MAML2: variants seen among roughly 807,000 people sequenced by gnomAD.
The protein encoded by MAML2 is mastermind-like protein 2.
MAML2 carries 22 observed loss-of-function variants against 96.1 expected under a neutral mutation model. The observed-to-expected ratio is 0.23, with a 90% CI of 0.16 to 0.33. The LOEUF (loss-of-function observed/expected upper bound fraction) is 0.33. Among genes scored for constraint, MAML2 ranks in the 10% least tolerant of loss-of-function variants. MAML2 has a pLI of 1.00. For synonymous variants in MAML2, 561 were observed against 521.3 expected, an observed-to-expected ratio of 1.08 and a Z score of -1.04; for missense variants, 1,367 against 1,392.4, an observed-to-expected ratio of 0.98 and a Z score of 0.29.
At chr11:96,293,249 G>A (rs762571480) in intron 1 of MAML2, among the ~76,000 whole-genome samples, 6 of 152,168 alleles carry the variant, frequency 3.9e-5, no homozygotes, top group Non-Finnish European at 8.8e-5. Flanking sequence ...CAAGTTCACT[G>A]AGAATGTTAG....
chr11:96,027,663 G>A (rs969286787), intron 2 of MAML2, among the ~76,000 whole-genome samples: 2 of 152,178 alleles, frequency 1.3e-5, no homozygotes, highest in Admixed American at 1.3e-4. Flanking sequence ...AGGAGGGCTG[G>A]GAGCGAGAGG....
At chr11:96,335,518 T>C (rs547352499) in intron 1 of MAML2, among the ~76,000 whole-genome samples, 1 of 152,300 alleles carries the variant, frequency 6.6e-6, no homozygotes, top group East Asian at 1.9e-4. Flanking sequence ...AAAGGGCATG[T>C]CATGCAGTAT....
chr11:96,184,384 G>A (rs912062007), intron 1 of MAML2, among the ~76,000 whole-genome samples: 1 of 151,880 alleles, frequency 6.6e-6, no homozygotes, highest in Non-Finnish European at 1.5e-5. Context: ...AAGTTTCAGT[G>A]AGCCGAGATC....
At chr11:96,102,856 G>T (rs1454819674) in intron 1 of MAML2, among the ~76,000 whole-genome samples, 1 of 152,212 alleles carries the variant, frequency 6.6e-6, no homozygotes, top group Non-Finnish European at 1.5e-5. Flanking sequence ...GCTGCTTTGT[G>T]CATGAAATAC....
At chr11:96,215,745 C>T (rs780640684) in intron 1 of MAML2, among the ~76,000 whole-genome samples, 2 of 152,052 alleles carry the variant, frequency 1.3e-5, no homozygotes, top group Non-Finnish European at 2.9e-5. Context: ...CCACCCCCCT[C>T]GGGTGCTGGC....
chr11:96,299,055 AAAAAAATAT>A (rs1863345242), intron 1 of MAML2, among the ~76,000 whole-genome samples: 2 of 94,730 alleles, frequency 2.1e-5, no homozygotes, highest in Admixed American at 1.1e-4. Flanking sequence ...AAAAAAAAAA[AAAAAAATAT>A]ATATATATAT....
chr11:95,978,037 T>A lies in MAML2; in HGVS notation c.*911A>T, dbSNP rs540339418. On this transcript the variant is annotated 3_prime_UTR_variant, in exon 5 of 5. Coordinates refer to ENST00000524717, the MANE Select transcript of MAML2 (RefSeq NM_032427.4). ...ATGAGTAGGGAGGACGAGGTTCAAT[T>A]TCACTCAGCTTGGGAACAAACCAGC... 1 of 218,870 alleles carries A rather than the reference T, an allele frequency of 4.6e-6. No individual in the cohort carries two copies. The highest frequency in any genetic ancestry group is 6.7e-5 in the East Asian group (1 of 14,852). The allele number at this position is 218,870 out of a possible 1,614,324, so 13.6% of individuals were successfully genotyped here. A position where few individuals can be genotyped will look rare whatever the true frequency, so the allele number is the denominator to read the frequency against.
At chr11:96,254,391 CT>C (rs201328694) in intron 1 of MAML2, among the ~76,000 whole-genome samples, 8,717 of 135,978 alleles carry the variant, frequency 0.064, 310 homozygotes, top group African/African-American at 0.12. Context: ...TGTTGCAGCT[CT>C]TTTTTTTTTT....
intron 1 of MAML2, among the ~76,000 whole-genome samples, chr11:96,115,373 G>T (rs2135837574): frequency 6.6e-6 from 1 of 151,730 alleles, no homozygotes; most frequent in African/African-American, 2.4e-5. Flanking sequence ...GTCTTTGTAG[G>T]TTGCCCAGGC....
chr11:96,059,607 G>A (rs1377683177), intron 2 of MAML2, among the ~76,000 whole-genome samples: 2 of 152,038 alleles, frequency 1.3e-5, no homozygotes, highest in Non-Finnish European at 2.9e-5. Flanking sequence ...TCTTTTTTGG[G>A]GGTGGGGAGG....
chr11:96,194,528 A>C (rs1474693290), intron 1 of MAML2, among the ~76,000 whole-genome samples: 1 of 152,244 alleles, frequency 6.6e-6, no homozygotes, highest in Non-Finnish European at 1.5e-5. Flanking sequence ...GGGAAAGAAT[A>C]AATTTGTTGG....
At chr11:96,034,432 T>TGTGTGTGAGAGAGAGAGAGAGA (rs549312275) in intron 2 of MAML2, among the ~76,000 whole-genome samples, 23 of 135,744 alleles carry the variant, frequency 1.7e-4, no homozygotes, top group Admixed American at 2.2e-4. Flanking sequence ...TGTGTGTGTG[T>TGTGTGTGAGAGAGAGAGAGAGA]GAGAGAGAGA....
intron 1 of MAML2, among the ~76,000 whole-genome samples, chr11:96,166,703 C>G (rs1861200907): frequency 6.6e-6 from 1 of 152,236 alleles, no homozygotes; most frequent in African/African-American, 2.4e-5. Flanking sequence ...GTGCCCAAAG[C>G]ATCCAATACA....
At chr11:96,016,885 A>C (rs1326341611) in intron 2 of MAML2, among the ~76,000 whole-genome samples, 2 of 152,230 alleles carry the variant, frequency 1.3e-5, no homozygotes, top group Non-Finnish European at 2.9e-5. Flanking sequence ...AGATTTGTTT[A>C]AATGGCTCAA....
At chr11:96,247,787 C>T (rs61901911) in intron 1 of MAML2, among the ~76,000 whole-genome samples, 2,594 of 152,226 alleles carry the variant, frequency 0.017, 48 homozygotes, top group Middle Eastern at 0.054. Flanking sequence ...GCACCTTCTT[C>T]CCAATTCTTA....
At chr11:96,229,272 T>C (rs1334975559) in intron 1 of MAML2, among the ~76,000 whole-genome samples, 1 of 151,982 alleles carries the variant, frequency 6.6e-6, no homozygotes, top group East Asian at 1.9e-4. Context: ...CAATACATAA[T>C]TTAAAATGTT....
intron 1 of MAML2, among the ~76,000 whole-genome samples, chr11:96,260,690 A>T (rs1269623352): frequency 6.6e-6 from 1 of 152,104 alleles, no homozygotes; most frequent in Non-Finnish European, 1.5e-5. Context: ...TAATACCCAT[A>T]ATGACCTTAT....
chr11:96,273,127 C>G (rs970567687), intron 1 of MAML2, among the ~76,000 whole-genome samples: 2 of 151,992 alleles, frequency 1.3e-5, no homozygotes, highest in Non-Finnish European at 2.9e-5. Context: ...ACCATGGAAA[C>G]AAGAGGACAG....
At chr11:96,320,664 G>A (rs2136010742) in intron 1 of MAML2, among the ~76,000 whole-genome samples, 1 of 152,292 alleles carries the variant, frequency 6.6e-6, no homozygotes, top group South Asian at 2.1e-4. Context: ...ACTATAAGAA[G>A]ACAGGAATAG....
Sources: allele counts gnomAD v4.1 joint callset (sites outside exome capture counted in the v4.1 genomes callset), GRCh38; gene constraint gnomAD v4.1.1; transcripts MANE v1.5; gene names NCBI Gene and HGNC (gene_info 2026-07-23, HGNC 2026-07-21).